The following P2RY12 variants were observed in gnomAD, a reference collection of about 807,000 sequenced individuals.
The protein encoded by P2RY12 is P2Y purinoceptor 12.
Under a neutral mutation model 4.5 loss-of-function variants are expected in P2RY12, and 3 were observed. The observed-to-expected ratio is 0.67, with a 90% CI of 0.31 to 1.74. The LOEUF is 1.74. Among genes scored for constraint, P2RY12 ranks in the 40% most tolerant of loss-of-function variants. The pLI, the probability that P2RY12 is intolerant of heterozygous loss-of-function variation, is 0.09. For synonymous variants in P2RY12, 148 were observed against 154.1 expected (o/e 0.96, Z 0.29); for missense variants, 356 against 407.8 (o/e 0.87, Z 1.09).
intron 1 of P2RY12, among the ~76,000 whole-genome samples, chr3:151,371,472 C>G (rs1408784167): frequency 6.6e-6 from 1 of 152,170 alleles, no homozygotes; most frequent in African/African-American, 2.4e-5. Flanking sequence ...TAATGAGAAA[C>G]ATATGATTAT....
At position 151,337,867 on chromosome 3, in the gene P2RY12, T is replaced by G. The variant is rs770610708; in HGVS notation, c.979A>C (p.Arg327=). 1.2e-6 allele frequency: 2 copies of G among 1,614,156 alleles called. No individual in the cohort carries two copies. The highest frequency in any genetic ancestry group is 1.7e-6 in the Non-Finnish European group (2 of 1,179,996). ...TCACCACCATCCTGTTCTTTTTTCC[T>G]ATTGTCCTGGGACAGAGATGTTGCA... ...NSATSLSQDN[R]KKEQDGGDPN... is the part of the protein sequence containing the mutation. The change falls in exon 3 of 3, where the codon AGG becomes CGG. Residue 327 remains arginine, a synonymous_variant. Coordinates refer to ENST00000302632, the MANE Select transcript of P2RY12 (RefSeq NM_022788.5).
rs554410378 is a variant in P2RY12 at position 151,368,141 on chromosome 3, C to G, written c.-180+16551G>C. 9.9e-6 allele frequency: 16 copies of G among 1,612,304 alleles called. No homozygotes were observed. In the East Asian group the frequency reaches 3.1e-4, roughly 31 times the overall value. On this transcript the variant is annotated intron_variant, in intron 1 of 2. Coordinates refer to ENST00000302632, the MANE Select transcript of P2RY12 (RefSeq NM_022788.5). The stretch of plus-strand genomic sequence containing the variant: ...TAGAAAACTTGCTTTTCCAATCCCC[C>G]TTTCCTAGCTTGTGGGGATGCGGAC...
chr3:151,355,481 G>A (rs1200024997), intron 1 of P2RY12, among the ~76,000 whole-genome samples: 1 of 152,076 alleles, frequency 6.6e-6, no homozygotes, highest in African/African-American at 2.4e-5. Flanking sequence ...TAAAGTAATA[G>A]CTAATGAAAT....
At chr3:151,363,029 G>A (rs1295733202) in intron 1 of P2RY12, among the ~76,000 whole-genome samples, 1 of 151,780 alleles carries the variant, frequency 6.6e-6, no homozygotes, top group African/African-American at 2.4e-5. Context: ...TAGCCTATTT[G>A]ACCCTTAATA....
chr3:151,360,543 C>T (rs771256751), intron 1 of P2RY12: 2 of 1,612,912 alleles, frequency 1.2e-6, no homozygotes, highest in East Asian at 2.2e-5. Context: ...GCATTTTAGC[C>T]TACCTCTATG....
intron 1 of P2RY12, among the ~76,000 whole-genome samples, chr3:151,354,967 G>A (rs1256221165): frequency 6.6e-6 from 1 of 151,716 alleles, no homozygotes; most frequent in Non-Finnish European, 1.5e-5. Flanking sequence ...CTGTTACTTT[G>A]CATTCAAGTC....
chr3:151,368,190 A>G (rs1387700265), intron 1 of P2RY12: 1 of 1,614,108 alleles, frequency 6.2e-7, no homozygotes, highest in Non-Finnish European at 8.5e-7. Context: ...CGAGAATGAC[A>G]TGCCGACTCT....
intron 1 of P2RY12, among the ~76,000 whole-genome samples, chr3:151,354,140 C>CAAAAAA (rs63033360): frequency 0.028 from 1,750 of 62,832 alleles, 140 homozygotes; most frequent in East Asian, 0.13. Flanking sequence ...GACTCCGTCT[C>CAAAAAA]AAAAAAAAAA....
chr3:151,338,868 C>T lies in P2RY12; in HGVS notation c.-14-9G>A, dbSNP rs1221824390. 6.2e-7 allele frequency: 1 copy of T among 1,608,570 alleles called. No individual in the cohort carries two copies. The highest frequency in any genetic ancestry group is 1.1e-5 in the South Asian group (1 of 90,948). ...CATTTCTTGTTGGTTACCTAGAGAACAAAAGAGAGGATGGTTATTTTCAGC... is the reference window on the plus strand; with the variant it reads ...CATTTCTTGTTGGTTACCTAGAGAATAAAAGAGAGGATGGTTATTTTCAGC... On this transcript the variant is annotated splice_polypyrimidine_tract_variant and intron_variant, in intron 2 of 2. Coordinates refer to ENST00000302632, the MANE Select transcript of P2RY12 (RefSeq NM_022788.5).
At chr3:151,348,518 A>G (rs1330767856) in intron 1 of P2RY12, among the ~76,000 whole-genome samples, 4 of 151,472 alleles carry the variant, frequency 2.6e-5, no homozygotes, top group Non-Finnish European at 5.9e-5. Flanking sequence ...AATTTGGGAG[A>G]GGTACTCAGG....
At chr3:151,360,781 A>G (rs567531787) in intron 1 of P2RY12, among the ~76,000 whole-genome samples, 2 of 152,294 alleles carry the variant, frequency 1.3e-5, no homozygotes, top group South Asian at 4.1e-4. Context: ...GACAGGGACA[A>G]TACACGATAG....
In P2RY12 at chr3:151,377,242, G is replaced by A. The variant is rs529281735; in HGVS notation, c.-180+7450C>T. On this transcript the variant is annotated intron_variant, in intron 1 of 2. Transcript: ENST00000302632. Reference sequence around the variant, plus strand: ...TTTCACAAGTAACGGTAAATTTTGTGTAGCACAGTGATTTTTCTTTAAGTC... The same window carrying A: ...TTTCACAAGTAACGGTAAATTTTGTATAGCACAGTGATTTTTCTTTAAGTC... 26 of 1,344,762 alleles carry A rather than the reference G, an allele frequency of 1.9e-5. No homozygotes were observed. The Admixed American group carries it at 5.4e-4, about 28-fold the overall frequency. The allele number at this position is 1,344,762 out of a possible 1,614,324, so 83.3% of individuals were successfully genotyped here.
At chr3:151,360,460 A>T in intron 1 of P2RY12, 1 of 1,608,810 alleles carries the variant, frequency 6.2e-7, no homozygotes, top group South Asian at 1.1e-5. Flanking sequence ...TTCTTCGTAT[A>T]TTTTTCTCCT....
At chr3:151,378,178 G>T in intron 1 of P2RY12, 1 of 1,596,438 alleles carries the variant, frequency 6.3e-7, no homozygotes, top group East Asian at 2.3e-5. Flanking sequence ...GAAAAGGTGT[G>T]GCTGGAAGAT....
chr3:151,382,051 T>C (rs150268869), intron 1 of P2RY12, among the ~76,000 whole-genome samples: 14 of 152,326 alleles, frequency 9.2e-5, no homozygotes, highest in African/African-American at 3.1e-4. Context: ...TGTGGCTCCC[T>C]TTCCTAAGCA....
intron 1 of P2RY12, among the ~76,000 whole-genome samples, chr3:151,351,248 C>A (rs116643065): frequency 6.6e-6 from 1 of 152,062 alleles, no homozygotes; most frequent in African/African-American, 2.4e-5. Context: ...TCTTTCTTCC[C>A]GGTCAATCAT....
rs1751396340 is a variant in P2RY12 at position 151,338,821 on chromosome 3, AGGT to A, written c.22_24del (p.Thr8del). Reference sequence around the variant, plus strand: ...CACAGACTGGTGTTACCAGGCGCAGAGGTGAGGTTGTCGACGGCTTGCATTTCT... The same window carrying A: ...CACAGACTGGTGTTACCAGGCGCAGAGAGGTTGTCGACGGCTTGCATTTCT... On this transcript the variant is annotated inframe_deletion, in exon 3 of 3. Transcript: ENST00000302632. The A allele has an allele frequency of 6.2e-7, 1 of 1,613,686 alleles. No homozygotes were observed. The highest frequency in any genetic ancestry group is 1.3e-5 in the African/African-American group (1 of 74,866).
intron 1 of P2RY12, chr3:151,367,629 C>T (rs1429003257): frequency 1.3e-6 from 2 of 1,594,624 alleles, no homozygotes; most frequent in Non-Finnish European, 1.7e-6. Flanking sequence ...TAAAACCTGT[C>T]AATGTTTTTC....
intron 1 of P2RY12, chr3:151,380,240 A>G (rs1258787022): frequency 2.1e-6 from 3 of 1,459,476 alleles, no homozygotes; most frequent in East Asian, 4.6e-5. Flanking sequence ...GTATAGTATA[A>G]TATTAAGACA....
Sources: allele counts gnomAD v4.1 joint callset (sites outside exome capture counted in the v4.1 genomes callset), GRCh38; gene constraint gnomAD v4.1.1; transcripts MANE v1.5; gene names NCBI Gene and HGNC (gene_info 2026-07-23, HGNC 2026-07-21).